The following SNTB2 variants were observed in gnomAD, a reference collection of about 807,000 sequenced individuals.
SNTB2 encodes the protein syntrophin beta 2, also known as beta-2-syntrophin.
In SNTB2, 34 loss-of-function variants were observed where a neutral mutation model predicts 46.2. That is an observed-to-expected ratio of 0.74 (90% confidence interval 0.56 to 0.98). SNTB2 has a LOEUF of 0.98. Among genes scored for constraint, SNTB2 ranks in the 50% least tolerant of loss-of-function variants. The pLI, the probability that SNTB2 is intolerant of heterozygous loss-of-function variation, is 0.00. For missense variants in SNTB2, 603 were observed against 731.4 expected, an observed-to-expected ratio of 0.82 and a Z score of 2.02; for synonymous variants, 290 against 312.6, an observed-to-expected ratio of 0.93 and a Z score of 0.76.
intron 1 of SNTB2, among the ~76,000 whole-genome samples, chr16:69,207,436 G>C (rs1449575525): frequency 4.6e-5 from 7 of 152,106 alleles, no homozygotes; most frequent in Non-Finnish European, 1.0e-4. Context: ...GGGATTACAG[G>C]CGTGAGCCAC....
intron 2 of SNTB2, among the ~76,000 whole-genome samples, chr16:69,247,572 G>A (rs1964682886): frequency 6.6e-6 from 1 of 152,082 alleles, no homozygotes; most frequent in Non-Finnish European, 1.5e-5. Context: ...CTGCTCTGTA[G>A]TATATTATGT....
At chr16:69,190,934 G>A (rs557302925) in intron 1 of SNTB2, among the ~76,000 whole-genome samples, 7 of 152,228 alleles carry the variant, frequency 4.6e-5, no homozygotes, top group Admixed American at 3.3e-4. Context: ...TGGGAATACA[G>A]CAATGAACAG....
intron 1 of SNTB2, among the ~76,000 whole-genome samples, chr16:69,215,706 T>C (rs1023348517): frequency 5.9e-5 from 9 of 152,330 alleles, no homozygotes; most frequent in Non-Finnish European, 8.8e-5. Context: ...GAGAGGAACA[T>C]GTTTCTTTAG....
chr16:69,227,181 T>G (rs10500549), intron 1 of SNTB2, among the ~76,000 whole-genome samples: 21,845 of 152,240 alleles, frequency 0.14, 1,700 homozygotes, highest in Middle Eastern at 0.23. Flanking sequence ...AGAATTTCAC[T>G]AGGACAGACA....
chr16:69,292,160 C>T lies in SNTB2; in HGVS notation c.1346-7430C>T, dbSNP rs538747057. ...GTTGAGGCAGGAGAATGGCGAGAAC[C>T]CGGGAGGCAGAGCTTGTAGTGAGCC... On this transcript the variant is annotated intron_variant, in intron 5 of 6. Transcript: ENST00000336278. Among the ~76,000 whole-genome samples the T allele has an allele frequency of 8.5e-4, 122 of 143,600 alleles. No homozygotes were observed. The East Asian group carries it at 0.024, about 29-fold the overall frequency. The allele number at this position is 143,600 out of a possible 152,430, so 94.2% of individuals were successfully genotyped here.
chr16:69,205,989 C>T (rs1964212591), intron 1 of SNTB2, among the ~76,000 whole-genome samples: 1 of 152,122 alleles, frequency 6.6e-6, no homozygotes, highest in African/African-American at 2.4e-5. Flanking sequence ...TTTGCTCCCA[C>T]TTTTTTGTTG....
At chr16:69,190,540 A>G (rs1274165498) in intron 1 of SNTB2, among the ~76,000 whole-genome samples, 2 of 152,206 alleles carry the variant, frequency 1.3e-5, no homozygotes, top group East Asian at 3.9e-4. Context: ...CAGAGGGCTA[A>G]AAGTGCTGTT....
intron 1 of SNTB2, among the ~76,000 whole-genome samples, chr16:69,222,171 C>A (rs1303730118): frequency 6.6e-6 from 1 of 152,156 alleles, no homozygotes; most frequent in Non-Finnish European, 1.5e-5. Flanking sequence ...AAGTTCCTTG[C>A]AATAGTTATT....
chr16:69,278,611 A>G (rs1418101435), intron 4 of SNTB2, among the ~76,000 whole-genome samples: 1 of 152,136 alleles, frequency 6.6e-6, no homozygotes, highest in African/African-American at 2.4e-5. Context: ...GTGCACCACC[A>G]TGCCCGGCTA....
At chr16:69,259,236 A>ATT (rs58387978) in intron 2 of SNTB2, among the ~76,000 whole-genome samples, 839 of 69,184 alleles carry the variant, frequency 0.012, 104 homozygotes, top group Non-Finnish European at 0.016. Context: ...GGTCTTTCTG[A>ATT]TTTTTTTTTT....
intron 1 of SNTB2, chr16:69,191,131 C>T (rs924036132): frequency 1.3e-4 from 20 of 151,522 alleles, no homozygotes; most frequent in African/African-American, 7.3e-5. Context: ...TGCGCTGGTC[C>T]GAGTGCAGTG....
At chr16:69,264,155 TG>T (rs1351078871) in intron 3 of SNTB2, among the ~76,000 whole-genome samples, 1 of 152,186 alleles carries the variant, frequency 6.6e-6, no homozygotes, top group Non-Finnish European at 1.5e-5. Flanking sequence ...GAGGCACTGC[TG>T]CTGCTACTAT....
chr16:69,282,798 T>G (rs1965062860), intron 4 of SNTB2, among the ~76,000 whole-genome samples: 1 of 152,260 alleles, frequency 6.6e-6, no homozygotes, highest in African/African-American at 2.4e-5. Context: ...TCATAGAGAT[T>G]CTATACATAT....
intron 1 of SNTB2, among the ~76,000 whole-genome samples, chr16:69,212,712 G>A (rs193130738): frequency 3.3e-5 from 5 of 151,878 alleles, no homozygotes; most frequent in East Asian, 3.9e-4. Context: ...TTGGCTCACC[G>A]CAACCTCCGC....
chr16:69,267,278 A>G (rs916648226), intron 3 of SNTB2, among the ~76,000 whole-genome samples: 1 of 152,200 alleles, frequency 6.6e-6, no homozygotes, highest in Admixed American at 6.6e-5. Flanking sequence ...TGGCCTCCCC[A>G]AGTGTTGGGA....
At chr16:69,220,968 C>G (rs1964397923) in intron 1 of SNTB2, among the ~76,000 whole-genome samples, 1 of 152,224 alleles carries the variant, frequency 6.6e-6, no homozygotes, top group African/African-American at 2.4e-5. Flanking sequence ...GAGCCAGTCT[C>G]TAGCAACCAC....
intron 1 of SNTB2, among the ~76,000 whole-genome samples, chr16:69,220,154 A>ATTTTTTT (rs889068336): frequency 3.1e-5 from 3 of 97,554 alleles, no homozygotes; most frequent in Non-Finnish European, 4.0e-5. Context: ...AGAAAGTCAG[A>ATTTTTTT]TTTTTTTTTT....
chr16:69,215,153 C>T (rs1415798349), intron 1 of SNTB2, among the ~76,000 whole-genome samples: 1 of 152,170 alleles, frequency 6.6e-6, no homozygotes, highest in Non-Finnish European at 1.5e-5. Flanking sequence ...CCACTGTGCC[C>T]GGCCTATTTT....
At chr16:69,192,125 T>C (rs898571299) in intron 1 of SNTB2, among the ~76,000 whole-genome samples, 1 of 152,202 alleles carries the variant, frequency 6.6e-6, no homozygotes, top group African/African-American at 2.4e-5. Flanking sequence ...AAGCACTGGA[T>C]GCAGTGCAAA....
Sources: allele counts gnomAD v4.1 joint callset (sites outside exome capture counted in the v4.1 genomes callset), GRCh38; gene constraint gnomAD v4.1.1; transcripts MANE v1.5; gene names NCBI Gene and HGNC (gene_info 2026-07-23, HGNC 2026-07-21).